TLL2: variants seen among roughly 807,000 people sequenced by gnomAD.
The protein encoded by TLL2 is tolloid like 2.
TLL2 carries 106 observed loss-of-function variants against 123.0 expected under a neutral mutation model. The ratio of observed to expected loss-of-function variants is 0.86; its 90% CI spans 0.74 to 1.01. The LOEUF (loss-of-function observed/expected upper bound fraction) is 1.01, where lower values mean the gene tolerates loss of function less well. Ranked by LOEUF, TLL2 falls within the 50% of genes least tolerant of loss-of-function variation. The pLI is 0.00. For synonymous variants in TLL2, 494 were observed against 516.8 expected, an observed-to-expected ratio of 0.96 and a Z score of 0.60; for missense variants, 1,332 against 1,336.7, an observed-to-expected ratio of 1.00 and a Z score of 0.06.
chr10:96,378,242 T>C (rs1312829767), intron 17 of TLL2, among the ~76,000 whole-genome samples: 1 of 152,270 alleles, frequency 6.6e-6, no homozygotes, highest in African/African-American at 2.4e-5. Context: ...CACATCTTCC[T>C]CCACCCTTGA....
chr10:96,393,730 C>CT (rs1341244192), intron 13 of TLL2, among the ~76,000 whole-genome samples: 2 of 138,002 alleles, frequency 1.4e-5, no homozygotes, highest in African/African-American at 3.0e-5. Flanking sequence ...CTTTTTTTTT[C>CT]TTTTTTTTCT....
chr10:96,494,832 C>T (rs1847454496), intron 1 of TLL2, among the ~76,000 whole-genome samples: 1 of 152,210 alleles, frequency 6.6e-6, no homozygotes, highest in South Asian at 2.1e-4. Context: ...TCAGAAGTGT[C>T]AAAGGAGAGT....
intron 3 of TLL2, among the ~76,000 whole-genome samples, chr10:96,434,149 C>T (rs2134081760): frequency 6.6e-6 from 1 of 152,100 alleles, no homozygotes; most frequent in Admixed American, 6.5e-5. Flanking sequence ...TTGTTTTATC[C>T]TGACATTTCC....
intron 1 of TLL2, among the ~76,000 whole-genome samples, chr10:96,494,918 C>G (rs556577293): frequency 3.3e-5 from 5 of 152,138 alleles, no homozygotes; most frequent in Non-Finnish European, 5.9e-5. Flanking sequence ...CAGGAATACG[C>G]ACTTTAATTC....
intron 5 of TLL2, among the ~76,000 whole-genome samples, chr10:96,426,922 G>A (rs1277595901): frequency 6.6e-6 from 1 of 152,094 alleles, no homozygotes; most frequent in Non-Finnish European, 1.5e-5. Flanking sequence ...TGGGTTGTAA[G>A]TATTTATTTT....
At position 96,421,008 on chromosome 10, in the gene TLL2, C is replaced by T; in HGVS notation, c.871G>A (p.Glu291Lys). The T allele has an allele frequency of 1.9e-6, 3 of 1,614,128 alleles. No homozygotes were observed. Among genetic ancestry groups the T allele is most frequent in the Non-Finnish European group, 2.5e-6 (3 of 1,180,000 alleles). The change falls in exon 7 of 21, where the codon GAG becomes AAG. Residue 291 changes from glutamate (E) to lysine (K), a missense_variant. Glu to Lys is a moderately conservative substitution (Grantham distance 56, BLOSUM62 1). Transcript: ENST00000357947. Reference protein sequence around the residue: ...MEAGEVSSLGETYDFDSIMHY... With the variant: ...MEAGEVSSLGKTYDFDSIMHY... ...ATGATGCTGTCAAAGTCGTATGTCTCTCCCAGAGAGCTCACTTCCCCAGCT... is the reference window on the plus strand; with the variant it reads ...ATGATGCTGTCAAAGTCGTATGTCTTTCCCAGAGAGCTCACTTCCCCAGCT...
intron 2 of TLL2, among the ~76,000 whole-genome samples, chr10:96,455,047 C>T (rs966154549): frequency 2.6e-5 from 4 of 151,970 alleles, no homozygotes; most frequent in Non-Finnish European, 5.9e-5. Flanking sequence ...TTGCCCATAA[C>T]AATGTGAGAT....
chr10:96,504,661 C>T (rs1040618359), intron 1 of TLL2, among the ~76,000 whole-genome samples: 38 of 152,286 alleles, frequency 2.5e-4, no homozygotes, highest in African/African-American at 8.7e-4. Flanking sequence ...CCATAAATCC[C>T]TTAAAAATCA....
chr10:96,393,802 T>C (rs1313706441), intron 13 of TLL2, among the ~76,000 whole-genome samples: 1 of 151,546 alleles, frequency 6.6e-6, no homozygotes, highest in Non-Finnish European at 1.5e-5. Flanking sequence ...AGCGCCATCA[T>C]GATTCTCCTC....
At chr10:96,400,161 A>C (rs1846379339) in intron 10 of TLL2, among the ~76,000 whole-genome samples, 1 of 152,134 alleles carries the variant, frequency 6.6e-6, no homozygotes, top group African/African-American at 2.4e-5. Flanking sequence ...TGTCCTAAGC[A>C]CTTTACATGG....
chr10:96,369,624 G>A (rs969044855), intron 20 of TLL2, among the ~76,000 whole-genome samples: 20 of 151,870 alleles, frequency 1.3e-4, no homozygotes, highest in African/African-American at 4.6e-4. Flanking sequence ...AGGTGGGTGT[G>A]GTGGCGCATG....
chr10:96,393,961 C>T (rs1427296071), intron 13 of TLL2, among the ~76,000 whole-genome samples: 2 of 152,148 alleles, frequency 1.3e-5, no homozygotes, highest in African/African-American at 4.8e-5. Context: ...GTACAATGGG[C>T]AGATGTCCTT....
intron 19 of TLL2, among the ~76,000 whole-genome samples, chr10:96,372,877 G>A (rs1846097126): frequency 6.6e-6 from 1 of 151,996 alleles, no homozygotes; most frequent in Non-Finnish European, 1.5e-5. Flanking sequence ...AGAGATCGGG[G>A]GGTGGTCTCA....
intron 1 of TLL2, 99 bp downstream of exon 1, chr10:96,513,412 G>GGGAGA: frequency 1.3e-6 from 2 of 1,492,406 alleles, no homozygotes; most frequent in Non-Finnish European, 1.8e-6. Context: ...GGGAGGGGAG[G>GGGAGA]GGAGACCCGC....
At chr10:96,506,427 G>C (rs549778581) in intron 1 of TLL2, among the ~76,000 whole-genome samples, 8 of 151,748 alleles carry the variant, frequency 5.3e-5, no homozygotes, top group Non-Finnish European at 4.4e-5. Flanking sequence ...GTCCAGGCTG[G>C]GGAGTGCCCT....
In TLL2 at chr10:96,395,862, G is replaced by C. The variant is rs1211205870; in HGVS notation, c.1530+13C>G. The C allele has an allele frequency of 6.2e-7, 1 of 1,614,104 alleles. No homozygotes were observed. Among genetic ancestry groups the C allele is most frequent in the South Asian group, 1.1e-5 (1 of 91,040 alleles). On this transcript the variant is annotated intron_variant, in intron 12 of 20. Transcript: ENST00000357947. ...TGCCGTTTCCTTGGGAAGCCGGTCT[G>C]AGCAGCACTCACCTCAAAAGCTTGG... is the stretch of plus-strand genomic sequence containing the variant.
chr10:96,467,761 TAC>T (rs1452022735), intron 2 of TLL2, among the ~76,000 whole-genome samples: 2 of 152,056 alleles, frequency 1.3e-5, no homozygotes, highest in Admixed American at 6.6e-5. Flanking sequence ...CAAAAATACA[TAC>T]ACAGTTTAAA....
chr10:96,499,756 A>T (rs1847513565), intron 1 of TLL2, among the ~76,000 whole-genome samples: 1 of 152,222 alleles, frequency 6.6e-6, no homozygotes, highest in South Asian at 2.1e-4. Context: ...ACAATTCTCT[A>T]ATTAGAAAAA....
intron 18 of TLL2, 66 bp from the exon 19 acceptor site, chr10:96,373,875 C>A: frequency 6.8e-7 from 1 of 1,480,962 alleles, no homozygotes; most frequent in East Asian, 2.3e-5. Flanking sequence ...GGCCTCCTTT[C>A]CAGTTCTGGG....
Sources: gnomAD v4.1 joint callset for allele counts (sites outside exome capture counted in the v4.1 genomes callset) on GRCh38, gnomAD v4.1.1 for gene constraint, MANE v1.5 for transcripts, NCBI Gene and HGNC (gene_info 2026-07-23, HGNC 2026-07-21) for gene names.